Variants in NBAS observed in about 807,000 individuals in gnomAD.
NBAS encodes NAG/BC035112 fusion.
NBAS carries 219 observed loss-of-function variants against 302.5 expected under a neutral mutation model. The ratio of observed to expected loss-of-function variants is 0.72; its 90% CI spans 0.65 to 0.81. The LOEUF (loss-of-function observed/expected upper bound fraction) is 0.81. Ranked by LOEUF, NBAS falls within the 30% of genes least tolerant of loss-of-function variation. The probability of loss-of-function intolerance (pLI) is 0.00; values close to 1 mark genes in which losing one functional copy is unlikely to be tolerated. For synonymous variants in NBAS, 1,118 were observed against 1,021.6 expected (o/e 1.09, Z -1.80); for missense variants, 2,932 against 2,841.6 (o/e 1.03, Z -0.72).
At chr2:15,327,971 GAAT>G (rs1672152404) in intron 37 of NBAS, 101 bp from the exon 38 acceptor site, 1 of 1,471,126 alleles carries the variant, frequency 6.8e-7, no homozygotes, top group Non-Finnish European at 9.4e-7. Flanking sequence ...CTGGTGACTT[GAAT>G]AATAACTGCT....
At chr2:15,179,999 A>C (rs1664746456) in intron 50 of NBAS, 1 of 152,238 alleles carries the variant, frequency 6.6e-6, no homozygotes, top group Non-Finnish European at 1.5e-5. Flanking sequence ...CAGACGATGA[A>C]TGACTCCATT....
At position 15,414,083 on chromosome 2, in the gene NBAS, A is replaced by T. The variant is rs1676807384; in HGVS notation, c.2937+1463T>A. Among the ~76,000 whole-genome samples, 4 of 152,316 alleles carry T rather than the reference A, an allele frequency of 2.6e-5. No homozygotes were observed. In the South Asian group the frequency reaches 8.3e-4, roughly 32 times the overall value. ...TCTCACAAAGTATTCTGCTGCCACA[A>T]GCAACCCACCCTGACCTCACCACCC... On this transcript the variant is annotated intron_variant, in intron 25 of 51. Coordinates refer to ENST00000281513, the MANE Select transcript of NBAS (RefSeq NM_015909.4).
At chr2:15,020,594 A>G in the NBAS span, among the ~76,000 whole-genome samples, 3 of 152,180 alleles carry the variant, frequency 2.0e-5, no homozygotes, top group Non-Finnish European at 4.4e-5. Flanking sequence ...AGCAAAGTGG[A>G]CCAAGACGCA....
chr2:15,559,585 G>C (rs536174406), intron 1 of NBAS, among the ~76,000 whole-genome samples: 13 of 152,142 alleles, frequency 8.5e-5, no homozygotes, highest in Non-Finnish European at 1.6e-4. Flanking sequence ...TTGATTGTTG[G>C]ATTCATGCAA....
chr2:15,394,997 T>C (rs369560733), intron 27 of NBAS, among the ~76,000 whole-genome samples: 5 of 152,200 alleles, frequency 3.3e-5, no homozygotes, highest in African/African-American at 1.2e-4. Flanking sequence ...CTTCAGAATA[T>C]AGGTTTCATC....
At chr2:15,018,958 T>TTGAG in the NBAS span, among the ~76,000 whole-genome samples, 2 of 152,184 alleles carry the variant, frequency 1.3e-5, no homozygotes, top group Non-Finnish European at 2.9e-5. Context: ...ACTGCAGCCT[T>TTGAG]TGAGTGCTGT....
chr2:15,277,285 C>T (rs901918358), intron 42 of NBAS, among the ~76,000 whole-genome samples, 184 bp from the exon 43 acceptor site: 22 of 152,282 alleles, frequency 1.4e-4, no homozygotes, highest in African/African-American at 5.3e-4. Flanking sequence ...TAGATGCCTA[C>T]TAACATTTAA....
At chr2:15,534,222 A>G (rs908654580) in intron 9 of NBAS, among the ~76,000 whole-genome samples, 1 of 152,208 alleles carries the variant, frequency 6.6e-6, no homozygotes, top group African/African-American at 2.4e-5. Context: ...CTTTATATAT[A>G]GCACTAGTTC....
At position 15,468,477 on chromosome 2, in the gene NBAS, T is replaced by C; in HGVS notation, c.1782A>G (p.Glu594=). The C allele has an allele frequency of 6.2e-7, 1 of 1,614,068 alleles. No homozygotes were observed. Among genetic ancestry groups the C allele is most frequent in the Non-Finnish European group, 8.5e-7 (1 of 1,179,968 alleles). ...VLHECLERVP[E]NVDAAKELLQ... ...GCAGTTCTTTTGCAGCATCCACATT[T>C]TCAGGAACTCTTTCCAAACACTCAT... Residue 594 remains glutamate, a synonymous_variant, in exon 17 of 52, where the codon GAA becomes GAG. Coordinates refer to ENST00000281513, the MANE Select transcript of NBAS (RefSeq NM_015909.4).
chr2:15,489,716 C>T (rs1358957035), intron 11 of NBAS, among the ~76,000 whole-genome samples: 3 of 152,118 alleles, frequency 2.0e-5, no homozygotes, highest in African/African-American at 4.8e-5. Flanking sequence ...CCTTCCAGTC[C>T]TTCTTGTCCA....
the NBAS span, among the ~76,000 whole-genome samples, chr2:14,972,685 A>G: frequency 3.9e-5 from 6 of 152,230 alleles, no homozygotes; most frequent in African/African-American, 1.4e-4. Context: ...CCAGATCTCT[A>G]TAATTCTAAA....
the NBAS span, among the ~76,000 whole-genome samples, chr2:15,118,096 C>A: frequency 6.6e-6 from 1 of 152,240 alleles, no homozygotes; most frequent in African/African-American, 2.4e-5. Context: ...TGGTAATTCA[C>A]TGCCCTCCTG....
chr2:15,300,167 A>G (rs1398075860), intron 40 of NBAS, among the ~76,000 whole-genome samples: 2 of 152,170 alleles, frequency 1.3e-5, no homozygotes, highest in African/African-American at 4.8e-5. Context: ...AAATTCTATC[A>G]ATACTTTTAT....
At chr2:15,104,941 G>C in the NBAS span, among the ~76,000 whole-genome samples, 3 of 151,840 alleles carry the variant, frequency 2.0e-5, no homozygotes, top group African/African-American at 7.3e-5. Flanking sequence ...GTAGATTCTA[G>C]ATAGTAGCCC....
At chr2:15,406,378 T>C in intron 25 of NBAS, among the ~76,000 whole-genome samples, 1 of 152,066 alleles carries the variant, frequency 6.6e-6, no homozygotes, top group Non-Finnish European at 1.5e-5. Flanking sequence ...TTTGGGAAAA[T>C]AAAATCAGAT....
At chr2:14,910,116 C>T in the NBAS span, among the ~76,000 whole-genome samples, 1 of 152,190 alleles carries the variant, frequency 6.6e-6, no homozygotes, top group South Asian at 2.1e-4. Context: ...TTGGGTTTCA[C>T]CTGAGGTTCA....
At chr2:15,113,455 T>C in the NBAS span, among the ~76,000 whole-genome samples, 2 of 151,558 alleles carry the variant, frequency 1.3e-5, no homozygotes, top group Admixed American at 6.6e-5. Flanking sequence ...CTTGGGGAAA[T>C]GGATGATTCC....
chr2:15,431,588 A>G (rs1185155536), intron 21 of NBAS, among the ~76,000 whole-genome samples: 1 of 152,202 alleles, frequency 6.6e-6, no homozygotes, highest in East Asian at 1.9e-4. Flanking sequence ...CAACACAACA[A>G]AAAAATTTTA....
At chr2:14,925,494 T>C in the NBAS span, among the ~76,000 whole-genome samples, 1 of 152,202 alleles carries the variant, frequency 6.6e-6, no homozygotes, top group East Asian at 1.9e-4. Flanking sequence ...AATATGCTCA[T>C]AAAAATGTAA....
Sources: allele counts gnomAD v4.1 joint callset (sites outside exome capture counted in the v4.1 genomes callset), GRCh38; gene constraint gnomAD v4.1.1; transcripts MANE v1.5; gene names NCBI Gene and HGNC (gene_info 2026-07-23, HGNC 2026-07-21).